Variants in NYAP2 observed in about 807,000 individuals in gnomAD.
NYAP2 encodes the protein neuronal tyrosine-phosphorylated phosphoinositide-3-kinase adapter 2.
Under a neutral mutation model 50.4 loss-of-function variants are expected in NYAP2, and 23 were observed. The observed-to-expected ratio is 0.46, with a 90% CI of 0.33 to 0.65. The LOEUF (loss-of-function observed/expected upper bound fraction) is 0.65, where lower values mean the gene tolerates loss of function less well. Among genes scored for constraint, NYAP2 ranks in the 30% least tolerant of loss-of-function variants. The pLI is 0.02. For synonymous variants in NYAP2, 394 were observed against 365.2 expected, an observed-to-expected ratio of 1.08 and a Z score of -0.90; for missense variants, 885 against 861.0, an observed-to-expected ratio of 1.03 and a Z score of -0.35.
intron 3 of NYAP2, among the ~76,000 whole-genome samples, chr2:225,486,658 G>C (rs549484933): frequency 1.4e-4 from 22 of 152,228 alleles, no homozygotes; most frequent in African/African-American, 5.3e-4. Context: ...CATTGTACTC[G>C]TTCAAAGCAA....
intron 6 of NYAP2, among the ~76,000 whole-genome samples, chr2:225,630,871 C>T (rs530764097): frequency 6.6e-6 from 1 of 152,158 alleles, no homozygotes; most frequent in Non-Finnish European, 1.5e-5. Context: ...GCAAGATTTA[C>T]GAGGGAAAGT....
chr2:225,546,795 G>T (rs578102064), intron 4 of NYAP2, among the ~76,000 whole-genome samples: 1 of 152,094 alleles, frequency 6.6e-6, no homozygotes, highest in South Asian at 2.1e-4. Context: ...TGAATGTACT[G>T]GGTTCCACCT....
chr2:225,662,385 C>T, the NYAP2 span, among the ~76,000 whole-genome samples: 1 of 152,224 alleles, frequency 6.6e-6, no homozygotes, highest in Non-Finnish European at 1.5e-5. Flanking sequence ...GAAAAGAAAA[C>T]ATATCCTCGC....
intron 4 of NYAP2, among the ~76,000 whole-genome samples, chr2:225,578,084 C>T (rs1032451861): frequency 2.6e-4 from 40 of 151,836 alleles, no homozygotes; most frequent in Admixed American, 2.6e-3. Context: ...AAGTATGCAT[C>T]ACCACGCCTG....
intron 4 of NYAP2, among the ~76,000 whole-genome samples, chr2:225,552,305 A>C (rs1691692168): frequency 6.6e-6 from 1 of 152,216 alleles, no homozygotes; most frequent in African/African-American, 2.4e-5. Context: ...TAAAGAATGA[A>C]GTCAACAAAT....
chr2:225,683,108 G>A, the NYAP2 span, among the ~76,000 whole-genome samples: 1 of 152,134 alleles, frequency 6.6e-6, no homozygotes, highest in Non-Finnish European at 1.5e-5. Flanking sequence ...ATATCATGGT[G>A]GCAAATGCTA....
intron 3 of NYAP2, among the ~76,000 whole-genome samples, chr2:225,476,286 G>T (rs1052545994): frequency 2.6e-5 from 4 of 151,968 alleles, no homozygotes; most frequent in African/African-American, 7.3e-5. Context: ...AGTGATGGGC[G>T]CCTGTAGTCC....
intron 4 of NYAP2, among the ~76,000 whole-genome samples, chr2:225,538,783 TTTCTTTCTTTCTTTCTTTCTTTCTTTC>T (rs1296773154): frequency 2.6e-5 from 1 of 38,738 alleles, no homozygotes; most frequent in Non-Finnish European, 5.4e-5. Context: ...TTTTCTTTTC[TTTCTTTCTTTCTTTCTTTCTTTCTTTC>T]TTTCTTTCTT....
chr2:225,480,972 A>C (rs949456518), intron 3 of NYAP2, among the ~76,000 whole-genome samples: 8 of 152,056 alleles, frequency 5.3e-5, no homozygotes, highest in African/African-American at 1.7e-4. Flanking sequence ...ACTCCCTAAC[A>C]ATTCAACAAG....
intron 5 of NYAP2, among the ~76,000 whole-genome samples, chr2:225,611,938 A>T (rs1019476106): frequency 7.9e-6 from 1 of 126,170 alleles, no homozygotes. Flanking sequence ...ACACACACAC[A>T]CTTTTCCTCA....
intron 3 of NYAP2, among the ~76,000 whole-genome samples, chr2:225,414,161 T>C (rs1695088463): frequency 6.6e-6 from 1 of 152,208 alleles, no homozygotes; most frequent in African/African-American, 2.4e-5. Flanking sequence ...ACCTTATCAC[T>C]ATTACCTTTC....
At chr2:225,457,713 G>T (rs1689761570) in intron 3 of NYAP2, among the ~76,000 whole-genome samples, 1 of 152,168 alleles carries the variant, frequency 6.6e-6, no homozygotes, top group South Asian at 2.1e-4. Context: ...CCCCAAGAGT[G>T]TATTTGTGAA....
chr2:225,572,037 T>C (rs1373421024), intron 4 of NYAP2, among the ~76,000 whole-genome samples: 1 of 152,210 alleles, frequency 6.6e-6, no homozygotes, highest in African/African-American at 2.4e-5. Context: ...AGAATCACCT[T>C]TGCTCCAGTT....
chr2:225,553,345 C>A (rs1212827672), intron 4 of NYAP2, among the ~76,000 whole-genome samples: 1 of 152,236 alleles, frequency 6.6e-6, no homozygotes, highest in Non-Finnish European at 1.5e-5. Context: ...CCTCCTCTAA[C>A]AGGGAGCACC....
intron 4 of NYAP2, among the ~76,000 whole-genome samples, chr2:225,533,533 A>G (rs1022813042): frequency 1.3e-5 from 2 of 152,124 alleles, no homozygotes; most frequent in Non-Finnish European, 2.9e-5. Context: ...CTAAAAATAC[A>G]AAACAAATAG....
Position 225,499,211 on chromosome 2 carries a change from C to T in NYAP2, c.222-14160C>T, listed in dbSNP as rs1445226132. ...AGGAAGCCAAGGAAATAGGACATTC[C>T]AGAAAGAAGCTGCGGTCTAAAAGAG... On this transcript the variant is annotated intron_variant, in intron 3 of 6. Coordinates refer to ENST00000636099, the Ensembl canonical transcript of NYAP2. Among the ~76,000 whole-genome samples the T allele has an allele frequency of 2.6e-5, 4 of 152,000 alleles. No homozygotes were observed. The East Asian group carries it at 7.7e-4, about 29-fold the overall frequency.
intron 6 of NYAP2, among the ~76,000 whole-genome samples, chr2:225,638,619 C>A (rs1417532469): frequency 6.6e-6 from 1 of 152,098 alleles, no homozygotes; most frequent in Non-Finnish European, 1.5e-5. Context: ...AGACAGAGAG[C>A]GAACAACCAT....
At chr2:225,481,230 A>G (rs1188520985) in intron 3 of NYAP2, among the ~76,000 whole-genome samples, 1 of 152,130 alleles carries the variant, frequency 6.6e-6, no homozygotes, top group African/African-American at 2.4e-5. Context: ...CAGGTTATCC[A>G]TGTACTTTTT....
intron 3 of NYAP2, among the ~76,000 whole-genome samples, chr2:225,503,147 A>G (rs896176774): frequency 2.0e-5 from 3 of 152,196 alleles, no homozygotes; most frequent in African/African-American, 7.2e-5. Context: ...CATTTCTAAA[A>G]ACTTGGCATG....
Sources: allele counts gnomAD v4.1 joint callset (sites outside exome capture counted in the v4.1 genomes callset), GRCh38; gene constraint gnomAD v4.1.1; transcripts MANE v1.5; gene names NCBI Gene and HGNC (gene_info 2026-07-23, HGNC 2026-07-21).